SLIT3: variants seen among roughly 807,000 people sequenced by gnomAD.
SLIT3 encodes the protein slit homolog 3 protein.
SLIT3 carries 68 observed loss-of-function variants against 184.0 expected under a neutral mutation model. The observed-to-expected ratio is 0.37, with a 90% CI of 0.30 to 0.45. The LOEUF (loss-of-function observed/expected upper bound fraction) is 0.45, where lower values mean the gene tolerates loss of function less well. Ranked by LOEUF, SLIT3 falls within the 20% of genes least tolerant of loss-of-function variation. The probability of loss-of-function intolerance (pLI) is 1.00; values close to 1 mark genes in which losing one functional copy is unlikely to be tolerated. For synonymous variants in SLIT3, 831 were observed against 828.6 expected, an observed-to-expected ratio of 1.00 and a Z score of -0.05; for missense variants, 1,707 against 2,026.0, an observed-to-expected ratio of 0.84 and a Z score of 3.02.
chr5:169,161,471 C>T (rs1321187756), intron 4 of SLIT3, among the ~76,000 whole-genome samples: 2 of 152,150 alleles, frequency 1.3e-5, no homozygotes, highest in Non-Finnish European at 2.9e-5. Flanking sequence ...TTATTACTGA[C>T]CCGCATCCTG....
rs143821911 is a variant in SLIT3 at position 168,687,069 on chromosome 5, T to C, written c.3224A>G (p.Asn1075Ser). 124 of 1,614,250 alleles carry C rather than the reference T, an allele frequency of 7.7e-5. 1 individual carries two copies. Among genetic ancestry groups the C allele is most frequent in the Admixed American group, 4.5e-4 (27 of 60,034 alleles). The change falls in exon 30 of 36, where the codon AAT becomes AGT. Residue 1075 changes from asparagine to serine, a missense_variant. By Grantham distance (46) the Asn-to-Ser change is conservative (BLOSUM62 1). Around this residue, in one of 3 missense-constraint regions of SLIT3, gnomAD observed 1,307 missense variants for 1,511.6 expected, o/e 0.86. Coordinates refer to ENST00000519560, the MANE Select transcript of SLIT3 (RefSeq NM_003062.4). The part of the protein sequence containing the change: ...GYSGKLCETD[N>S]DDCVAHKCRH... Reference sequence around the variant, plus strand: ...GCACTTGTGGGCCACACAGTCATCATTGTCTGTCTCACAGAGCTTCCCGCT... The same window carrying C: ...GCACTTGTGGGCCACACAGTCATCACTGTCTGTCTCACAGAGCTTCCCGCT...
chr5:168,774,112 C>T, intron 13 of SLIT3, 123 bp downstream of exon 13: 1 of 931,664 alleles, frequency 1.1e-6, no homozygotes, highest in East Asian at 2.5e-5. Flanking sequence ...TCTAGCTTCC[C>T]TGCAGGCTCT....
chr5:169,044,669 T>G (rs1044574279), intron 4 of SLIT3, among the ~76,000 whole-genome samples: 34 of 152,002 alleles, frequency 2.2e-4, no homozygotes, highest in African/African-American at 7.7e-4. Context: ...TAGACAGTGG[T>G]GATGGTCACA....
At chr5:169,169,061 A>G (rs562541562) in intron 4 of SLIT3, among the ~76,000 whole-genome samples, 1 of 152,058 alleles carries the variant, frequency 6.6e-6, no homozygotes, top group African/African-American at 2.4e-5. Flanking sequence ...CCTTTTTCTA[A>G]CTCGCACAGA....
At chr5:169,078,860 T>G (rs192896623) in intron 4 of SLIT3, among the ~76,000 whole-genome samples, 1 of 152,370 alleles carries the variant, frequency 6.6e-6, no homozygotes, top group Non-Finnish European at 1.5e-5. Context: ...GGAGCTGTAG[T>G]CTAGGAAATA....
At chr5:168,876,654 C>G (rs965026063) in intron 5 of SLIT3, among the ~76,000 whole-genome samples, 4 of 152,194 alleles carry the variant, frequency 2.6e-5, no homozygotes, top group Non-Finnish European at 5.9e-5. Flanking sequence ...CTGAGTGAAG[C>G]CAGAATGAGA....
In SLIT3 at chr5:169,271,794, G is replaced by C. The variant is rs751290158; in HGVS notation, c.198-20335C>G. 7.2e-5 allele frequency among the ~76,000 whole-genome samples: 11 copies of C among 152,198 alleles called. 2 individuals carry two copies. The highest frequency in any genetic ancestry group is 1.3e-4 in the Non-Finnish European group (9 of 68,026). ...TCCAAGTCTCCTTTAGCCTCTCAGA[G>C]GAAGAACCCTTGGGGCAGATACAGG... On this transcript the variant is annotated intron_variant, in intron 1 of 35. Transcript: ENST00000519560.
chr5:168,927,761 T>C (rs1247988842), intron 4 of SLIT3, among the ~76,000 whole-genome samples: 1 of 152,212 alleles, frequency 6.6e-6, no homozygotes, highest in Non-Finnish European at 1.5e-5. Context: ...TTACATCACA[T>C]ATGTCCTTGA....
intron 5 of SLIT3, among the ~76,000 whole-genome samples, chr5:168,854,269 C>G (rs976995542): frequency 1.4e-4 from 21 of 148,626 alleles, no homozygotes; most frequent in Admixed American, 1.4e-3. Flanking sequence ...GGAAGCCAAG[C>G]TTTAGTCTCA....
At chr5:168,868,732 T>C (rs559507779) in intron 5 of SLIT3, among the ~76,000 whole-genome samples, 1 of 121,278 alleles carries the variant, frequency 8.2e-6, no homozygotes, top group South Asian at 2.6e-4. Flanking sequence ...CGGGTGGCAG[T>C]GTGGGAATCT....
intron 4 of SLIT3, among the ~76,000 whole-genome samples, chr5:169,150,058 C>T (rs556648174): frequency 6.6e-6 from 1 of 152,290 alleles, no homozygotes; most frequent in African/African-American, 2.4e-5. Flanking sequence ...AAGTTAGATG[C>T]CAAAACCAGG....
At chr5:168,733,374 G>A (rs1402400231) in intron 20 of SLIT3, among the ~76,000 whole-genome samples, 1 of 152,178 alleles carries the variant, frequency 6.6e-6, no homozygotes, top group African/African-American at 2.4e-5. Flanking sequence ...ACGGAAAACA[G>A]TATGGTGATT....
chr5:169,109,635 G>A (rs578083242), intron 4 of SLIT3, among the ~76,000 whole-genome samples: 48 of 152,238 alleles, frequency 3.2e-4, no homozygotes, highest in African/African-American at 1.1e-3. Context: ...CCTCTCTCTG[G>A]AAGAACAAAA....
intron 4 of SLIT3, among the ~76,000 whole-genome samples, chr5:169,025,374 T>C (rs1442798911): frequency 6.6e-6 from 1 of 152,216 alleles, no homozygotes; most frequent in Non-Finnish European, 1.5e-5. Context: ...CTCTGGCCTA[T>C]AGGTGATTCT....
chr5:168,686,029 G>A (rs1332698274), intron 30 of SLIT3, 102 bp from the exon 31 acceptor site: 2 of 1,313,446 alleles, frequency 1.5e-6, no homozygotes, highest in Admixed American at 2.7e-5. Flanking sequence ...GGTAGAGTGA[G>A]ATGGGAAATG....
In SLIT3 at chr5:168,785,712, G is replaced by C. The variant is rs138529582; in HGVS notation, c.1151+195C>G. Among the ~76,000 whole-genome samples, 537 of 152,296 alleles carry C rather than the reference G, an allele frequency of 3.5e-3. 3 individuals carry two copies. Among genetic ancestry groups the C allele is most frequent in the African/African-American group, 0.012 (511 of 41,546 alleles). On this transcript the variant is annotated intron_variant, in intron 12 of 35. Coordinates refer to ENST00000519560, the MANE Select transcript of SLIT3 (RefSeq NM_003062.4). ...ATTTGGGTTTATGCACACTGACCTCGGTCTTCCTCTGCCCGCTCGCTGACT... is the reference window on the plus strand; with the variant it reads ...ATTTGGGTTTATGCACACTGACCTCCGTCTTCCTCTGCCCGCTCGCTGACT...
intron 4 of SLIT3, among the ~76,000 whole-genome samples, chr5:168,992,412 T>TTA (rs1283860420): frequency 2.0e-5 from 3 of 152,248 alleles, no homozygotes; most frequent in African/African-American, 7.2e-5. Context: ...CTGCTGAGGT[T>TTA]TACTTTTACT....
chr5:168,796,329 G>A (rs1485002561), intron 9 of SLIT3, among the ~76,000 whole-genome samples: 2 of 152,236 alleles, frequency 1.3e-5, no homozygotes, highest in African/African-American at 2.4e-5. Flanking sequence ...GGGGCCGTGG[G>A]GAATGAGTGA....
At position 168,671,271 on chromosome 5, in the gene SLIT3, C is replaced by A; in HGVS notation, c.4054G>T (p.Val1352Leu). 6.2e-7 allele frequency: 1 copy of A among 1,613,688 alleles called. No homozygotes were observed. Among genetic ancestry groups the A allele is most frequent in the Non-Finnish European group, 8.5e-7 (1 of 1,179,948 alleles). The change falls in exon 34 of 36, where the codon GTG becomes TTG. Residue 1352 changes from valine to leucine, a missense_variant. Val to Leu is a conservative substitution (Grantham distance 32). Around this residue, in one of 3 missense-constraint regions of SLIT3, gnomAD observed 387 missense variants for 477.9 expected, o/e 0.81. Transcript: ENST00000519560. ...LCRSVEKDSV[V>L]CECRPGWTGP... Reference sequence around the variant, plus strand: ...GTCCAGCCTGGGCGGCACTCGCACACCACGCTGTCCTTCTCCACGGAGCGG... The same window carrying A: ...GTCCAGCCTGGGCGGCACTCGCACAACACGCTGTCCTTCTCCACGGAGCGG...
Sources: gnomAD v4.1 joint callset for allele counts (sites outside exome capture counted in the v4.1 genomes callset) on GRCh38, gnomAD v4.1.1 for gene constraint, gnomAD v4.1.1 regional missense constraint, MANE v1.5 for transcripts, NCBI Gene and HGNC (gene_info 2026-07-23, HGNC 2026-07-21) for gene names.